The following RBM41 variants were observed in gnomAD, a reference collection of about 807,000 sequenced individuals.
The protein encoded by RBM41 is RNA-binding protein 41.
RBM41 carries 14 observed loss-of-function variants against 30.8 expected under a neutral mutation model. That is an observed-to-expected ratio of 0.45 (90% CI 0.30 to 0.71). The LOEUF (loss-of-function observed/expected upper bound fraction) is 0.71, where lower values mean the gene tolerates loss of function less well. Ranked by LOEUF, RBM41 falls within the 30% of genes least tolerant of loss-of-function variation. The probability of loss-of-function intolerance (pLI) is 0.08; values close to 1 mark genes in which losing one functional copy is unlikely to be tolerated. For synonymous variants in RBM41, 120 were observed against 110.1 expected (o/e 1.09, Z -0.56); for missense variants, 276 against 326.3 (o/e 0.85, Z 1.19).
chrX:107,069,580 G>A (rs749169725), intron 6 of RBM41, 178 bp from the exon 7 acceptor site: 227 of 386,870 alleles, frequency 5.9e-4, no homozygotes, highest in African/African-American at 4.1e-3. Context: ...TCAGCCTCCC[G>A]AGTAGCTGGG....
chrX:107,108,626 T>C, intron 5 of RBM41, among the ~76,000 whole-genome samples: 1 of 112,390 alleles, frequency 8.9e-6, no homozygotes. Flanking sequence ...GAATAGTCTT[T>C]TCAACTAAAG....
chrX:107,054,136 G>A, the RBM41 span, among the ~76,000 whole-genome samples: 1 of 110,854 alleles, frequency 9.0e-6, no homozygotes, highest in East Asian at 2.8e-4. Flanking sequence ...GAGGGCCATG[G>A]GGATTTATGA....
intron 5 of RBM41, among the ~76,000 whole-genome samples, chrX:107,112,571 A>T (rs776407729): frequency 1.8e-5 from 2 of 111,709 alleles, no homozygotes; most frequent in African/African-American, 6.5e-5. Flanking sequence ...TTCACAAAAA[A>T]ACCTGTACAA....
the RBM41 span, among the ~76,000 whole-genome samples, chrX:107,054,733 T>G: frequency 1.8e-5 from 2 of 111,835 alleles, no homozygotes; most frequent in Non-Finnish European, 3.8e-5. Context: ...ATTTTAGACC[T>G]AAGTATTTAA....
chrX:107,080,277 AT>A (rs1374743953), intron 6 of RBM41, among the ~76,000 whole-genome samples: 2 of 106,958 alleles, frequency 1.9e-5, no homozygotes, highest in Non-Finnish European at 3.8e-5. Context: ...AAATATATCC[AT>A]AAAAAAAAAA....
At position 107,099,129 on chromosome X, in the gene RBM41, C is replaced by A. The variant is rs751546844; in HGVS notation, c.596-10290G>T. On this transcript the variant is annotated intron_variant, in intron 5 of 7. Transcript: ENST00000685964. ...ACCATAAAGGCAGTGAAATGATAAA[C>A]TACAGAATTGGAATATACATTTTCA... is the stretch of plus-strand genomic sequence containing the variant. Among the ~76,000 whole-genome samples the A allele has an allele frequency of 2.7e-5, 3 of 111,867 alleles. No homozygotes were observed. In the East Asian group the frequency reaches 8.4e-4, roughly 31 times the overall value.
chrX:107,097,215 G>A (rs1477877197), intron 5 of RBM41, among the ~76,000 whole-genome samples: 3 of 112,086 alleles, frequency 2.7e-5, no homozygotes, highest in African/African-American at 9.7e-5. Flanking sequence ...ACTCATTCAA[G>A]AGAAATGAAA....
intron 5 of RBM41, among the ~76,000 whole-genome samples, chrX:107,103,801 T>C (rs1489018374): frequency 9.0e-6 from 1 of 111,242 alleles, no homozygotes; most frequent in Non-Finnish European, 1.9e-5. Flanking sequence ...TAATCTATGG[T>C]GGAAAAAAAT....
intron 1 of RBM41, among the ~76,000 whole-genome samples, chrX:107,117,793 A>G (rs944032473): frequency 3.6e-5 from 4 of 111,849 alleles, no homozygotes; most frequent in Non-Finnish European, 7.5e-5. Context: ...TGGTCACCTC[A>G]GGGGGGAACG....
intron 6 of RBM41, among the ~76,000 whole-genome samples, chrX:107,078,572 T>C (rs999667187): frequency 9.1e-6 from 1 of 109,889 alleles, no homozygotes; most frequent in African/African-American, 3.3e-5. Context: ...AATACCAATG[T>C]CAAAAAACAA....
At chrX:107,105,571 A>C (rs1256152647) in intron 5 of RBM41, among the ~76,000 whole-genome samples, 1 of 111,218 alleles carries the variant, frequency 9.0e-6, no homozygotes, top group African/African-American at 3.3e-5. Flanking sequence ...GTCAATCCTA[A>C]GCCAAAAGAA....
chrX:107,104,713 T>A (rs997610315), intron 5 of RBM41, among the ~76,000 whole-genome samples: 5 of 111,419 alleles, frequency 4.5e-5, no homozygotes, highest in African/African-American at 1.6e-4. Flanking sequence ...GATTTGCATA[T>A]GTTGAACCAG....
chrX:107,112,836 C>T (rs995676085), intron 5 of RBM41: 16 of 326,147 alleles, frequency 4.9e-5, no homozygotes, highest in Non-Finnish European at 9.5e-5. Context: ...GATAAAACTA[C>T]AGTGATGGAA....
downstream of RBM41, among the ~76,000 whole-genome samples, chrX:107,058,217 TGGGAGGCGGA>T (rs1188998553): frequency 2.0e-5 from 2 of 98,717 alleles, no homozygotes; most frequent in Non-Finnish European, 4.0e-5. Context: ...CACTTGAACC[TGGGAGGCGGA>T]GGTTGCAGTG....
intron 5 of RBM41, among the ~76,000 whole-genome samples, chrX:107,104,436 CTG>C (rs1923760374): frequency 9.0e-6 from 1 of 110,874 alleles, no homozygotes; most frequent in Admixed American, 9.6e-5. Context: ...TTCATCTTTT[CTG>C]TGTGTTTGAA....
At chrX:107,072,934 C>G (rs142832864) in intron 6 of RBM41, among the ~76,000 whole-genome samples, 3,356 of 110,391 alleles carry the variant, frequency 0.03, 142 homozygotes, top group African/African-American at 0.1. Flanking sequence ...AAACTGGATA[C>G]CTATATGCAT....
intron 5 of RBM41, among the ~76,000 whole-genome samples, chrX:107,089,719 T>A (rs1181033134): frequency 8.9e-6 from 1 of 112,035 alleles, no homozygotes; most frequent in Non-Finnish European, 1.9e-5. Flanking sequence ...TTGTATCATG[T>A]CATAAGACAC....
At chrX:107,070,676 C>T (rs1280110626) in intron 6 of RBM41, among the ~76,000 whole-genome samples, 1 of 111,477 alleles carries the variant, frequency 9.0e-6, no homozygotes, top group Non-Finnish European at 1.9e-5. Flanking sequence ...AAAACTTCAA[C>T]AAACCATAAC....
chrX:107,106,697 T>G (rs1924025943), intron 5 of RBM41, among the ~76,000 whole-genome samples: 1 of 110,767 alleles, frequency 9.0e-6, no homozygotes, highest in South Asian at 3.9e-4. Flanking sequence ...CCATAAAAAA[T>G]GATGAGTTCA....
Sources: allele counts gnomAD v4.1 joint callset (sites outside exome capture counted in the v4.1 genomes callset), GRCh38; gene constraint gnomAD v4.1.1; transcripts MANE v1.5; gene names NCBI Gene and HGNC (gene_info 2026-07-23, HGNC 2026-07-21).